Variants in RBPMS2 observed in about 807,000 individuals in gnomAD.
The protein encoded by RBPMS2 is RNA binding protein, mRNA processing factor 2, also known as RNA-binding protein with multiple splicing 2.
RBPMS2 carries 14 observed loss-of-function variants against 25.7 expected under a neutral mutation model. The observed-to-expected ratio is 0.55, with a 90% CI of 0.36 to 0.85. RBPMS2 has a LOEUF of 0.85. RBPMS2 is among the 40% of genes least tolerant of loss of function. The pLI is 0.01. For missense variants in RBPMS2, 252 were observed against 283.4 expected (o/e 0.89, Z 0.80); for synonymous variants, 127 against 115.6 (o/e 1.10, Z -0.63).
At chr15:64,751,455 C>T (rs2083679153) in intron 2 of RBPMS2, 106 bp downstream of exon 2, 4 of 905,936 alleles carry the variant, frequency 4.4e-6, no homozygotes, top group Admixed American at 1.8e-5. Context: ...CAGCTTCTGC[C>T]ACGCCTTCCC....
Position 64,765,360 on chromosome 15 carries a change from A to C in RBPMS2, c.87+9873T>G, listed in dbSNP as rs183529325. On this transcript the variant is annotated intron_variant, in intron 1 of 7. Coordinates refer to ENST00000300069, the MANE Select transcript of RBPMS2 (RefSeq NM_194272.3). ...AACCCAGGAGGTGGAGGCTGTAGTA[A>C]GATGAGATCACGCCACTGCACTCCA... is the stretch of plus-strand genomic sequence containing the variant. 6.0e-5 allele frequency among the ~76,000 whole-genome samples: 9 copies of C among 150,846 alleles called. No individual in the cohort carries two copies. The East Asian group carries it at 1.8e-3, about 29-fold the overall frequency.
chr15:64,775,577 G>T lies in RBPMS2; in HGVS notation c.-258C>A. On this transcript the variant is annotated 5_prime_UTR_variant, in exon 1 of 8. Transcript: ENST00000300069. ...GCCGCCGCCTCCGCCTTTTCACTGC[G>T]ACCGGCGAGTGCGCCGCGGCGGCGG... 2.0e-5 allele frequency: 1 copy of T among 50,126 alleles called. No individual in the cohort carries two copies. Among genetic ancestry groups the T allele is most frequent in the South Asian group, 1.2e-3 (1 of 860 alleles). 3.1% of individuals were successfully genotyped at this position (50,126 alleles called of 1,614,324 possible).
At chr15:64,744,805 T>TGG (rs2083602236) in intron 6 of RBPMS2, among the ~76,000 whole-genome samples, 1 of 65,510 alleles carries the variant, frequency 1.5e-5, no homozygotes, top group Non-Finnish European at 2.6e-5. Flanking sequence ...TTTGTTTTTT[T>TGG]TTTTTTTTTT....
At chr15:64,752,954 C>A (rs1383875193) in intron 1 of RBPMS2, among the ~76,000 whole-genome samples, 1 of 152,096 alleles carries the variant, frequency 6.6e-6, no homozygotes, top group African/African-American at 2.4e-5. Context: ...TGGTTACAAG[C>A]CAGATCTAAA....
chr15:64,743,382 T>A (rs1183595613), intron 6 of RBPMS2, among the ~76,000 whole-genome samples: 1 of 152,242 alleles, frequency 6.6e-6, no homozygotes, highest in Admixed American at 6.5e-5. Flanking sequence ...GAGGGACTCC[T>A]TGGGGAGAAA....
At chr15:64,751,365 A>G (rs909937926) in intron 2 of RBPMS2, among the ~76,000 whole-genome samples, 196 bp downstream of exon 2, 4 of 149,702 alleles carry the variant, frequency 2.7e-5, no homozygotes, top group African/African-American at 9.8e-5. Context: ...TACTGTCTCC[A>G]TTTAACTGGC....
chr15:64,745,566 A>C lies in RBPMS2; in HGVS notation c.567+2853T>G, dbSNP rs544225073. 8.5e-5 allele frequency among the ~76,000 whole-genome samples: 13 copies of C among 152,310 alleles called. 1 individual carries two copies. Among genetic ancestry groups the C allele is most frequent in the African/African-American group, 3.1e-4 (13 of 41,562 alleles). ...CCGCATATCCTCAGGTTGGAACGTA[A>C]AATGAAATCCAGTCTGGGAGGACCG... is the stretch of plus-strand genomic sequence containing the variant. On this transcript the variant is annotated intron_variant, in intron 6 of 7. Transcript: ENST00000300069.
Position 64,775,365 on chromosome 15 carries a change from G to A in RBPMS2, c.-46C>T. The A allele has an allele frequency of 8.7e-7, 1 of 1,145,180 alleles. No homozygotes were observed. The highest frequency in any genetic ancestry group is 1.1e-6 in the Non-Finnish European group (1 of 908,458). The allele number at this position is 1,145,180 out of a possible 1,614,324, so 70.9% of individuals were successfully genotyped here. A position where few individuals can be genotyped will look rare whatever the true frequency, so the allele number is the denominator to read the frequency against. ...GGGAAGGAACGCGAGGGCGAGCGCG[G>A]CGCCGGCCCCGCGGGAAGTGGGAAG... is the stretch of plus-strand genomic sequence containing the variant. On this transcript the variant is annotated 5_prime_UTR_variant, in exon 1 of 8. Transcript: ENST00000300069.
chr15:64,744,798 G>GTTGTTTTTTTTT (rs2083601378), intron 6 of RBPMS2, among the ~76,000 whole-genome samples: 4 of 46,290 alleles, frequency 8.6e-5, no homozygotes, highest in African/African-American at 2.9e-4. Context: ...GGTTTGTTTT[G>GTTGTTTTTTTTT]TTTTTTTTTT....
At chr15:64,771,795 A>C (rs992965398) in intron 1 of RBPMS2, among the ~76,000 whole-genome samples, 3 of 151,906 alleles carry the variant, frequency 2.0e-5, no homozygotes, top group African/African-American at 7.3e-5. Context: ...TCCTGTCTCT[A>C]CTAAAAAACA....
In RBPMS2 at chr15:64,740,963, A is replaced by C; in HGVS notation, c.*45T>G. The C allele has an allele frequency of 2.0e-6, 1 of 509,784 alleles. No homozygotes were observed. Among genetic ancestry groups the C allele is most frequent in the South Asian group, 2.2e-5 (1 of 44,644 alleles). 31.6% of individuals were successfully genotyped at this position (509,784 alleles called of 1,614,324 possible). ...AACTCGGGGCGCCTGTCCCGGCACC[A>C]CCACAGATTACCAGAACCACCTCCC... is the stretch of plus-strand genomic sequence containing the variant. On this transcript the variant is annotated 3_prime_UTR_variant, in exon 8 of 8. Coordinates refer to ENST00000300069, the MANE Select transcript of RBPMS2 (RefSeq NM_194272.3).
chr15:64,772,409 C>T (rs186238213), intron 1 of RBPMS2, among the ~76,000 whole-genome samples: 133 of 151,910 alleles, frequency 8.8e-4, no homozygotes, highest in African/African-American at 3.1e-3. Context: ...TCAGCTCCTC[C>T]CCTTAATTCC....
intron 1 of RBPMS2, among the ~76,000 whole-genome samples, chr15:64,752,998 C>T (rs1055116335): frequency 5.9e-5 from 9 of 152,194 alleles, no homozygotes; most frequent in African/African-American, 2.2e-4. Context: ...GTAGCCACTG[C>T]TGCTATTTAA....
intron 6 of RBPMS2, 33 bp from the exon 7 acceptor site, chr15:64,741,275 T>G (rs2083560113): frequency 6.5e-7 from 1 of 1,544,444 alleles, no homozygotes; most frequent in African/African-American, 1.4e-5. Context: ...GAGCCAGCTG[T>G]GCATCCCTTC....
chr15:64,743,257 G>C (rs1385142691), intron 6 of RBPMS2, among the ~76,000 whole-genome samples: 1 of 152,224 alleles, frequency 6.6e-6, no homozygotes, highest in African/African-American at 2.4e-5. Context: ...GGGAAGCTAA[G>C]GCCTTGAATG....
At chr15:64,775,153 G>T in intron 1 of RBPMS2, 80 bp downstream of exon 1, 1 of 798,738 alleles carries the variant, frequency 1.3e-6, no homozygotes, top group Non-Finnish European at 1.6e-6. Context: ...GCCCCGCGAG[G>T]CGCGGCAGGC....
rs1223590739 is a variant in RBPMS2 at position 64,748,115 on chromosome 15, A to C, written c.567+304T>G. ...CCATACCCAGGTTAGGACTGGAATC[A>C]TAGTCCCATCACCATGGGAGAACAT... is the stretch of plus-strand genomic sequence containing the variant. On this transcript the variant is annotated intron_variant, in intron 6 of 7. Coordinates refer to ENST00000300069, the MANE Select transcript of RBPMS2 (RefSeq NM_194272.3). Among the ~76,000 whole-genome samples, 3 of 152,198 alleles carry C rather than the reference A, an allele frequency of 2.0e-5. No individual in the cohort carries two copies. The South Asian group carries it at 6.2e-4, about 31-fold the overall frequency.
intron 1 of RBPMS2, among the ~76,000 whole-genome samples, chr15:64,771,828 G>A (rs112536553): frequency 3.9e-5 from 6 of 151,902 alleles, no homozygotes; most frequent in African/African-American, 7.3e-5. Flanking sequence ...GTATGGTGGC[G>A]GGCACCTGTA....
At position 64,775,335 on chromosome 15, in the gene RBPMS2, G is replaced by T. The variant is rs911935511; in HGVS notation, c.-16C>A. The stretch of plus-strand genomic sequence containing the variant: ...GGTTGCTCATGGTGCGGGGGAGGGG[G>T]CGGCGGGAAGGAACGCGAGGGCGAG... On this transcript the variant is annotated 5_prime_UTR_variant, in exon 1 of 8. Coordinates refer to ENST00000300069, the MANE Select transcript of RBPMS2 (RefSeq NM_194272.3). 10 of 1,269,650 alleles carry T rather than the reference G, an allele frequency of 7.9e-6. No individual in the cohort carries two copies. In the African/African-American group the frequency reaches 1.6e-4, roughly 20 times the overall value. The allele number at this position is 1,269,650 out of a possible 1,614,324, so 78.6% of individuals were successfully genotyped here.
Sources: gnomAD v4.1 joint callset for allele counts (sites outside exome capture counted in the v4.1 genomes callset) on GRCh38, gnomAD v4.1.1 for gene constraint, MANE v1.5 for transcripts, NCBI Gene and HGNC (gene_info 2026-07-23, HGNC 2026-07-21) for gene names.